The following MYO15A variants were observed in gnomAD, a reference collection of about 807,000 sequenced individuals.
MYO15A encodes myosin XVA.
Under a neutral mutation model 394.6 loss-of-function variants are expected in MYO15A, and 308 were observed. The ratio of observed to expected loss-of-function variants is 0.78; its 90% CI spans 0.71 to 0.86. MYO15A has a LOEUF of 0.86. MYO15A is among the 40% of genes least tolerant of loss of function. MYO15A has a pLI of 0.00. For synonymous variants in MYO15A, 1,957 were observed against 2,003.8 expected, an observed-to-expected ratio of 0.98 and a Z score of 0.62; for missense variants, 4,606 against 4,799.1, an observed-to-expected ratio of 0.96 and a Z score of 1.19.
In MYO15A at chr17:18,148,353, G is replaced by A; in HGVS notation, c.6691+143G>A. 4 of 1,452,782 alleles carry A rather than the reference G, an allele frequency of 2.8e-6. No homozygotes were observed. Among genetic ancestry groups the A allele is most frequent in the Non-Finnish European group, 3.8e-6 (4 of 1,064,858 alleles). The allele number at this position is 1,452,782 out of a possible 1,614,324, so 90.0% of individuals were successfully genotyped here. On this transcript the variant is annotated intron_variant, in intron 31 of 65. Coordinates refer to ENST00000647165, the MANE Select transcript of MYO15A (RefSeq NM_016239.4). The surrounding 1 kb of genome is among the most constrained non-coding windows in gnomAD (Gnocchi z 4.8). ...GGCTCTGCGTGAAAGTCTGTGTGTG[G>A]GGGTGGGACCTGGCCCAGGAAAGGG...
intron 60 of MYO15A, 79 bp from the exon 61 acceptor site, chr17:18,166,282 T>G: frequency 6.3e-7 from 1 of 1,581,994 alleles, no homozygotes; most frequent in Non-Finnish European, 8.6e-7. Flanking sequence ...GATTGGGGTC[T>G]GCACACATGC....
Position 18,145,888 on chromosome 17 carries a change from G to A in MYO15A, c.6290G>A (p.Gly2097Asp), listed in dbSNP as rs143720564. The stretch of plus-strand genomic sequence containing the variant: ...GTGGCCCAGATCCTGCGCTTCATGG[G>A]CGACCCCCACCTGCATGGTGCCCGG... ...SIFKLILRFM[G>D]DPHLHGAREN... The change falls in exon 30 of 66, where the codon GGC becomes GAC. Residue 2097 changes from glycine to aspartate, a missense_variant. Coordinates refer to ENST00000647165, the MANE Select transcript of MYO15A (RefSeq NM_016239.4). 2 of 1,613,320 alleles carry A rather than the reference G, an allele frequency of 1.2e-6. No individual in the cohort carries two copies. Among genetic ancestry groups the A allele is most frequent in the African/African-American group, 2.7e-5 (2 of 75,010 alleles).
Position 18,157,858 on chromosome 17 carries a change from G to A in MYO15A, c.8925G>A (p.Val2975=), listed in dbSNP as rs769056130. ...GAGCAGCCGCCGTGGCCGCTGCTGT[G>A]GCCTCTGCAGCCGCTGCACAGGAGG... is the stretch of plus-strand genomic sequence containing the variant. The part of the protein sequence containing the change: ...RGRAAAVAAA[V]ASAAAAQEVG... The change falls in exon 51 of 66, where the codon GTG becomes GTA. Residue 2975 remains valine (V), a synonymous_variant. Transcript: ENST00000647165. 3.1e-5 allele frequency: 49 copies of A among 1,577,956 alleles called. No individual in the cohort carries two copies. In the Middle Eastern group the frequency reaches 8.6e-4, roughly 28 times the overall value.
rs1380929047 is a variant in MYO15A, at chr17:18,155,241, T to C, written c.8340+16T>C. 2 of 1,613,892 alleles carry C rather than the reference T, an allele frequency of 1.2e-6. No individual in the cohort carries two copies. The highest frequency in any genetic ancestry group is 1.7e-6 in the Non-Finnish European group (2 of 1,179,908). ...CCCCGCCACGGTGCGAGCCCCTCAC[T>C]TGCCCCCTACCTGTCCAGAGGATTC... is the stretch of plus-strand genomic sequence containing the variant. On this transcript the variant is annotated intron_variant, in intron 46 of 65. Transcript: ENST00000647165.
At chr17:18,136,263 G>T (rs2046268550) in intron 13 of MYO15A, among the ~76,000 whole-genome samples, 154 bp from the exon 14 acceptor site, 1 of 152,156 alleles carries the variant, frequency 6.6e-6, no homozygotes, top group Admixed American at 6.5e-5. Flanking sequence ...GAGTCAGAGT[G>T]GGGGCAGGGG....
intron 6 of MYO15A, 92 bp from the exon 7 acceptor site, chr17:18,126,983 C>T (rs895649480): frequency 1.0e-5 from 16 of 1,596,272 alleles, no homozygotes; most frequent in African/African-American, 8.0e-5. Context: ...GTTGGCCCAC[C>T]GTACATATCC....
chr17:18,172,529 A>G (rs1787083571), intron 64 of MYO15A: 1 of 602,574 alleles, frequency 1.7e-6, no homozygotes, highest in Admixed American at 2.5e-5. Flanking sequence ...AACATACTCT[A>G]TGCACTCAAA....
Position 18,134,310 on chromosome 17 carries a change from T to A in MYO15A, c.4482+924T>A, listed in dbSNP as rs371761242. On this transcript the variant is annotated intron_variant, in intron 12 of 65. Coordinates refer to ENST00000647165, the MANE Select transcript of MYO15A (RefSeq NM_016239.4). ...GGCCTGTTGGGTTTTTTATGCAAAT[T>A]GTTTTAAAATTATTTTTAGATAGTT... Among the ~76,000 whole-genome samples the A allele has an allele frequency of 2.8e-3, 429 of 152,328 alleles. 1 individual carries two copies. Among genetic ancestry groups the A allele is most frequent in the Non-Finnish European group, 4.4e-3 (302 of 68,032 alleles).
rs528260983 is a variant in MYO15A at position 18,155,229 on chromosome 17, C to A, written c.8340+4C>A. 20 of 1,613,936 alleles carry A rather than the reference C, an allele frequency of 1.2e-5. No homozygotes were observed. Among genetic ancestry groups the A allele is most frequent in the Non-Finnish European group, 1.4e-5 (17 of 1,179,948 alleles). On this transcript the variant is annotated splice_donor_region_variant and intron_variant, in intron 46 of 65. Transcript: ENST00000647165. ...CTCCCGCATCTTCCCCGCCACGGTG[C>A]GAGCCCCTCACTTGCCCCCTACCTG...
In MYO15A at chr17:18,142,804, G is replaced by C. The variant is rs1172003030; in HGVS notation, c.5874G>C (p.Leu1958=). ...MRRSLVKFRS[L]VHAYVSRRRY... ...GGAGTCTGGTGAAGTTCCGGTCCCTGGTACACGCATACGTGAGCCGCCGAC... is the reference window on the plus strand; with the variant it reads ...GGAGTCTGGTGAAGTTCCGGTCCCTCGTACACGCATACGTGAGCCGCCGAC... Residue 1958 remains leucine (L), a synonymous_variant, in exon 25 of 66, where the codon CTG becomes CTC. Transcript: ENST00000647165. 1.2e-6 allele frequency: 2 copies of C among 1,613,510 alleles called. No homozygotes were observed. Among genetic ancestry groups the C allele is most frequent in the South Asian group, 1.1e-5 (1 of 90,976 alleles).
chr17:18,154,488 A>G (rs1270392447), intron 44 of MYO15A, among the ~76,000 whole-genome samples, 192 bp from the exon 45 acceptor site: 1 of 152,162 alleles, frequency 6.6e-6, no homozygotes, highest in Non-Finnish European at 1.5e-5. Context: ...GGTGGCCTGG[A>G]TTGTGGGGCT....
intron 10 of MYO15A, 112 bp downstream of exon 10, chr17:18,131,643 T>G: frequency 1.6e-4 from 186 of 1,140,500 alleles, no homozygotes; most frequent in Non-Finnish European, 2.3e-4. Context: ...AATGAACGAA[T>G]ACATGCGTAC....
intron 40 of MYO15A, 32 bp downstream of exon 40, chr17:18,151,559 C>T (rs745607326): frequency 1.2e-6 from 2 of 1,612,592 alleles, no homozygotes; most frequent in Non-Finnish European, 1.7e-6. Context: ...AGCCCGCCAG[C>T]CCCCTCACTG....
At chr17:18,136,309 A>G (rs2046269317) in intron 13 of MYO15A, 108 bp from the exon 14 acceptor site, 6 of 1,362,810 alleles carry the variant, frequency 4.4e-6, no homozygotes, top group Non-Finnish European at 6.2e-6. Context: ...CAGTCACAAC[A>G]TCCCTCCAGC....
chr17:18,133,115 C>G, intron 11 of MYO15A, 110 bp from the exon 12 acceptor site: 1 of 1,135,148 alleles, frequency 8.8e-7, no homozygotes, highest in Non-Finnish European at 1.3e-6. Context: ...GAAATGACAG[C>G]TTGAGTGACC....
chr17:18,136,959 T>C (rs2046290305), intron 15 of MYO15A, among the ~76,000 whole-genome samples: 1 of 152,170 alleles, frequency 6.6e-6, no homozygotes, highest in South Asian at 2.1e-4. Context: ...AGCTTCCAGG[T>C]GAGGCTGGGT....
chr17:18,162,283 C>G (rs1384720306), intron 57 of MYO15A, among the ~76,000 whole-genome samples: 1 of 152,104 alleles, frequency 6.6e-6, no homozygotes, highest in Non-Finnish European at 1.5e-5. Context: ...GCTCCCCAGT[C>G]AGCAGCTCAG....
Position 18,146,020 on chromosome 17 carries a change from C to G in MYO15A, c.6422C>G (p.Ala2141Gly). The G allele has an allele frequency of 6.2e-7, 1 of 1,613,942 alleles. No homozygotes were observed. The highest frequency in any genetic ancestry group is 8.5e-7 in the Non-Finnish European group (1 of 1,180,020). ...AATCAGGTGTGGCACAATCACAATG[C>G]CCACAATGCTGAGCGGGGCTGGCTG... ...LANQVWHNHN[A>G]HNAERGWLLL... The change falls in exon 30 of 66, where the codon GCC becomes GGC. Residue 2141 changes from alanine (A) to glycine (G), a missense_variant. This residue lies in a region of MYO15A where 2,776 missense variants were observed against 3,109.3 expected (regional missense o/e 0.89). Transcript: ENST00000647165.
intron 65 of MYO15A, chr17:18,178,361 TC>T (rs1194924947): frequency 2.6e-5 from 8 of 308,664 alleles, no homozygotes; most frequent in South Asian, 5.6e-5. Flanking sequence ...AGAGCGAAAC[TC>T]CATCTAGGAA....
Sources: gnomAD v4.1 joint callset for allele counts (sites outside exome capture counted in the v4.1 genomes callset) on GRCh38, gnomAD v4.1.1 for gene constraint, gnomAD v4.1.1 regional missense constraint, Gnocchi (gnomAD v3.1) non-coding constraint, MANE v1.5 for transcripts, NCBI Gene and HGNC (gene_info 2026-07-23, HGNC 2026-07-21) for gene names.